CHST9: variants seen among roughly 807,000 people sequenced by gnomAD.
The protein encoded by CHST9 is GalNAc-4-sulfotransferase 2.
CHST9 carries 41 observed loss-of-function variants against 44.4 expected under a neutral mutation model. The ratio of observed to expected loss-of-function variants is 0.92; its 90% CI spans 0.72 to 1.20. The LOEUF is 1.20. Ranked by LOEUF, CHST9 falls within the 50% of genes most tolerant of loss-of-function variation. The pLI, the probability that CHST9 is intolerant of heterozygous loss-of-function variation, is 0.00. For synonymous variants in CHST9, 171 were observed against 178.4 expected, an observed-to-expected ratio of 0.96 and a Z score of 0.33; for missense variants, 504 against 516.5, an observed-to-expected ratio of 0.98 and a Z score of 0.23.
chr18:27,109,301 A>C (rs1398378157), intron 2 of CHST9, among the ~76,000 whole-genome samples: 1 of 152,036 alleles, frequency 6.6e-6, no homozygotes, highest in Non-Finnish European at 1.5e-5. Flanking sequence ...TTCTCCCTGC[A>C]AACCCATAGG....
intron 2 of CHST9, among the ~76,000 whole-genome samples, chr18:27,071,603 T>A (rs1348891367): frequency 2.0e-5 from 3 of 152,214 alleles, no homozygotes; most frequent in Non-Finnish European, 4.4e-5. Flanking sequence ...TTCCTCTAAG[T>A]GGTAAATATT....
At chr18:27,114,092 C>T (rs1315624885) in intron 2 of CHST9, among the ~76,000 whole-genome samples, 3 of 152,120 alleles carry the variant, frequency 2.0e-5, no homozygotes, top group Non-Finnish European at 4.4e-5. Flanking sequence ...TATAAAGAGA[C>T]AAACTGACAT....
At chr18:26,989,293 G>A (rs2056789242) in intron 4 of CHST9, among the ~76,000 whole-genome samples, 1 of 152,102 alleles carries the variant, frequency 6.6e-6, no homozygotes, top group Non-Finnish European at 1.5e-5. Context: ...CTTCACCAAG[G>A]AAGATATAGG....
intron 2 of CHST9, among the ~76,000 whole-genome samples, chr18:27,107,260 AG>A (rs2058229981): frequency 6.6e-6 from 1 of 152,208 alleles, no homozygotes; most frequent in African/African-American, 2.4e-5. Flanking sequence ...AGTTTCCGCC[AG>A]TGGTATCATG....
chr18:27,114,978 A>G (rs2058307746), intron 2 of CHST9, among the ~76,000 whole-genome samples: 1 of 152,060 alleles, frequency 6.6e-6, no homozygotes, highest in African/African-American at 2.4e-5. Flanking sequence ...ATGGGGGCAT[A>G]TTTCCCCATG....
chr18:27,060,000 A>G (rs2057702677), intron 2 of CHST9, among the ~76,000 whole-genome samples: 1 of 152,156 alleles, frequency 6.6e-6, no homozygotes, highest in Non-Finnish European at 1.5e-5. Flanking sequence ...TATCCCCCAT[A>G]AACTTGGTTG....
Position 27,142,818 on chromosome 18 carries a change from A to G in CHST9, c.-9T>C. On this transcript the variant is annotated 5_prime_UTR_variant, in exon 2 of 6. Transcript: ENST00000618847. ...ATTTCAGATGGCTGCATTTCTCCTT[A>G]TTTCAGAATCTGAAGACCACATGAT... The G allele has an allele frequency of 6.3e-7, 1 of 1,596,890 alleles. No individual in the cohort carries two copies. Among genetic ancestry groups the G allele is most frequent in the South Asian group, 1.2e-5 (1 of 86,118 alleles).
chr18:27,016,028 C>G (rs576500392), intron 4 of CHST9, among the ~76,000 whole-genome samples: 2 of 152,320 alleles, frequency 1.3e-5, no homozygotes, highest in Admixed American at 6.5e-5. Context: ...CACTATTCTA[C>G]AGACCTCCTG....
chr18:27,178,568 C>T (rs900191909), intron 1 of CHST9, among the ~76,000 whole-genome samples: 1 of 151,940 alleles, frequency 6.6e-6, no homozygotes. Flanking sequence ...CAATTTCCTC[C>T]TTGCTTCTGG....
rs1308785567 is a variant in CHST9, at chr18:26,908,117, C to T, written c.*8142G>A. 6.6e-6 allele frequency: 1 copy of T among 152,416 alleles called. No homozygotes were observed. Among genetic ancestry groups the T allele is most frequent in the African/African-American group, 2.4e-5 (1 of 41,446 alleles). The allele number at this position is 152,416 out of a possible 1,614,324, so 9.4% of individuals were successfully genotyped here. ...CACAACTACACTAAATGCTGCTGAA[C>T]TGTACACTTAAAAAATGGTGGCAAG... On this transcript the variant is annotated 3_prime_UTR_variant, in exon 6 of 6. Coordinates refer to ENST00000618847, the MANE Select transcript of CHST9 (RefSeq NM_031422.6).
rs1233551523 is a variant in CHST9 at position 26,908,340 on chromosome 18, C to T, written c.*7919G>A. ...GCTGAGACAGGAGAATAGCTTGAAC[C>T]CAGGACGTGGAGGTTGCAGTGAGCA... On this transcript the variant is annotated 3_prime_UTR_variant, in exon 6 of 6. Coordinates refer to ENST00000618847, the MANE Select transcript of CHST9 (RefSeq NM_031422.6). 6.6e-6 allele frequency: 1 copy of T among 152,126 alleles called. No individual in the cohort carries two copies. The highest frequency in any genetic ancestry group is 1.9e-4 in the East Asian group (1 of 5,188). The allele number at this position is 152,126 out of a possible 1,614,324, so 9.4% of individuals were successfully genotyped here.
At chr18:26,942,160 A>G (rs2056092947) in intron 5 of CHST9, among the ~76,000 whole-genome samples, 1 of 152,126 alleles carries the variant, frequency 6.6e-6, no homozygotes, top group South Asian at 2.1e-4. Flanking sequence ...TGGCATAGTG[A>G]TTTGAAAAAG....
intron 4 of CHST9, among the ~76,000 whole-genome samples, chr18:27,018,386 C>T (rs1306054273): frequency 2.0e-5 from 3 of 152,106 alleles, no homozygotes; most frequent in Non-Finnish European, 2.9e-5. Context: ...TGCAGGGTGC[C>T]ACTTTTTCTT....
intron 2 of CHST9, among the ~76,000 whole-genome samples, chr18:27,116,932 T>C (rs1286625136): frequency 6.6e-6 from 1 of 152,150 alleles, no homozygotes; most frequent in Admixed American, 6.5e-5. Flanking sequence ...AAATCATTTT[T>C]ATAAGTGATT....
chr18:27,082,966 G>A (rs2057975209), intron 2 of CHST9, among the ~76,000 whole-genome samples: 1 of 152,156 alleles, frequency 6.6e-6, no homozygotes, highest in East Asian at 1.9e-4. Context: ...TTTGGTAGGT[G>A]TGTTGGATCT....
Position 27,064,411 on chromosome 18 carries a change from C to G in CHST9, c.122-15908G>C, listed in dbSNP as rs190006199. ...TTAATACAAGCAGAGCACTCTGTTC[C>G]GCACGCATCAGAGCAGTGACATTTT... On this transcript the variant is annotated intron_variant, in intron 2 of 5. Transcript: ENST00000618847. Among the ~76,000 whole-genome samples, 333 of 152,178 alleles carry G rather than the reference C, an allele frequency of 2.2e-3. 2 individuals carry two copies. Among genetic ancestry groups the G allele is most frequent in the Admixed American group, 4.3e-3 (65 of 15,274 alleles).
At chr18:27,167,163 T>C (rs138196396) in intron 1 of CHST9, among the ~76,000 whole-genome samples, 19 of 152,338 alleles carry the variant, frequency 1.2e-4, no homozygotes, top group South Asian at 6.2e-4. Context: ...GTCAGAGTGA[T>C]TTTTTGCACC....
chr18:27,068,142 A>C (rs965250106), intron 2 of CHST9, among the ~76,000 whole-genome samples: 16 of 152,320 alleles, frequency 1.1e-4, no homozygotes, highest in African/African-American at 3.6e-4. Flanking sequence ...AGAGAAAATA[A>C]GAGGAATAAA....
intron 2 of CHST9, among the ~76,000 whole-genome samples, chr18:27,127,158 G>A (rs979449227): frequency 1.3e-5 from 2 of 152,162 alleles, no homozygotes; most frequent in Non-Finnish European, 2.9e-5. Flanking sequence ...GCACTACAGA[G>A]ACTTGCAAGG....
Sources: allele counts gnomAD v4.1 joint callset (sites outside exome capture counted in the v4.1 genomes callset), GRCh38; gene constraint gnomAD v4.1.1; transcripts MANE v1.5; gene names NCBI Gene and HGNC (gene_info 2026-07-23, HGNC 2026-07-21).